TPRG1: variants seen among roughly 807,000 people sequenced by gnomAD.
The protein encoded by TPRG1 is tumor protein p63-regulated gene 1 protein.
A neutral mutation model predicts 29.3 loss-of-function variants in TPRG1; 29 were observed. The observed-to-expected ratio is 0.99, with a 90% CI of 0.74 to 1.35. The LOEUF (loss-of-function observed/expected upper bound fraction) is 1.35, where lower values mean the gene tolerates loss of function less well. Among genes scored for constraint, TPRG1 ranks in the 40% most tolerant of loss-of-function variants. The pLI is 0.00. For synonymous variants in TPRG1, 130 were observed against 116.8 expected, an observed-to-expected ratio of 1.11 and a Z score of -0.73; for missense variants, 327 against 335.0, an observed-to-expected ratio of 0.98 and a Z score of 0.19.
chr3:189,297,410 A>G (rs1720128029), intron 4 of TPRG1, among the ~76,000 whole-genome samples: 1 of 152,022 alleles, frequency 6.6e-6, no homozygotes, highest in South Asian at 2.1e-4. Flanking sequence ...ATCCCTTTCT[A>G]GCTGTGCCCA....
At chr3:189,301,706 C>G (rs1720868648) in intron 4 of TPRG1, among the ~76,000 whole-genome samples, 1 of 152,190 alleles carries the variant, frequency 6.6e-6, no homozygotes, top group African/African-American at 2.4e-5. Flanking sequence ...CACTCTTGGC[C>G]TGGAGACCAA....
At chr3:189,170,875 A>G (rs1728736195), upstream of TPRG1, among the ~76,000 whole-genome samples, 1 of 152,244 alleles carries the variant, frequency 6.6e-6, no homozygotes, top group South Asian at 2.1e-4. Context: ...TTTTAAAAGA[A>G]TGGAATTCAA....
At chr3:189,153,507 C>T (rs1040223514) in intron 5 of TPRG1, among the ~76,000 whole-genome samples, 1 of 151,654 alleles carries the variant, frequency 6.6e-6, no homozygotes, top group South Asian at 2.1e-4. Context: ...GATTTGTGGC[C>T]CCTGCATCAC....
chr3:189,132,536 G>A (rs1487693438), exon 3 of TPRG1: 1 of 152,188 alleles, frequency 6.6e-6, no homozygotes, highest in Non-Finnish European at 1.5e-5. Context: ...TGGCTTTACT[G>A]GATGAGTCAC....
rs1381517736 is a variant in TPRG1 at position 189,215,279 on chromosome 3, C to G, written c.211-13C>G. On this transcript the variant is annotated splice_polypyrimidine_tract_variant and intron_variant, in intron 2 of 5. Coordinates refer to ENST00000345063, the MANE Select transcript of TPRG1 (RefSeq NM_198485.4). ...GTCTGCTCTAAACTAGGTATTTTCT[C>G]CTTTCCACACAGCCGGGGGCCATTG... The G allele has an allele frequency of 6.2e-7, 1 of 1,604,978 alleles. No homozygotes were observed. Among genetic ancestry groups the G allele is most frequent in the Non-Finnish European group, 8.5e-7 (1 of 1,176,912 alleles).
intron 3 of TPRG1, among the ~76,000 whole-genome samples, chr3:189,005,210 G>A (rs1560388691): frequency 1.3e-5 from 2 of 152,118 alleles, no homozygotes; most frequent in Non-Finnish European, 2.9e-5. Flanking sequence ...GTTTACATCT[G>A]TTCTTACTCG....
chr3:189,117,803 G>A (rs1721359469), intron 1 of TPRG1, among the ~76,000 whole-genome samples: 1 of 152,160 alleles, frequency 6.6e-6, no homozygotes, highest in Admixed American at 6.5e-5. Context: ...AGTTTCCTGA[G>A]GCCTCCCCAG....
intron 4 of TPRG1, among the ~76,000 whole-genome samples, chr3:189,070,988 G>A (rs1315695838): frequency 6.6e-6 from 1 of 151,604 alleles, no homozygotes; most frequent in Non-Finnish European, 1.5e-5. Context: ...TTTAAATATG[G>A]TGACTTGATG....
intron 4 of TPRG1, among the ~76,000 whole-genome samples, chr3:189,250,515 C>CG (rs1553931591): frequency 9.4e-6 from 1 of 106,704 alleles, no homozygotes; most frequent in Non-Finnish European, 2.0e-5. Flanking sequence ...CCCCCCCCCC[C>CG]CCACCCAGAT....
chr3:189,175,597 C>T (rs866419047), intron 1 of TPRG1, among the ~76,000 whole-genome samples: 1 of 152,126 alleles, frequency 6.6e-6, no homozygotes, highest in East Asian at 1.9e-4. Flanking sequence ...TGTAGGCACA[C>T]CTTAGCTCTA....
At position 189,235,591 on chromosome 3, in the gene TPRG1, T is replaced by C. The variant is rs560611533; in HGVS notation, c.303-3142T>C. Reference sequence around the variant, plus strand: ...GGACAAGGGCGGAAAAAGACAGTCTTGATTGTTGTTCTGAAGAAGTTTGCT... The same window carrying C: ...GGACAAGGGCGGAAAAAGACAGTCTCGATTGTTGTTCTGAAGAAGTTTGCT... On this transcript the variant is annotated intron_variant, in intron 3 of 5. Coordinates refer to ENST00000345063, the MANE Select transcript of TPRG1 (RefSeq NM_198485.4). Among the ~76,000 whole-genome samples, 5 of 152,200 alleles carry C rather than the reference T, an allele frequency of 3.3e-5. No homozygotes were observed. The South Asian group carries it at 1.0e-3, about 32-fold the overall frequency.
intron 2 of TPRG1, among the ~76,000 whole-genome samples, chr3:189,129,193 G>A (rs762117104): frequency 2.6e-5 from 4 of 152,042 alleles, no homozygotes; most frequent in Non-Finnish European, 5.9e-5. Context: ...TTAGTTGTCA[G>A]GTCTCCTGCC....
intron 4 of TPRG1, among the ~76,000 whole-genome samples, chr3:189,247,989 T>G (rs1200971942): frequency 6.6e-6 from 1 of 151,854 alleles, no homozygotes; most frequent in Non-Finnish European, 1.5e-5. Context: ...TGGGCTATCC[T>G]TGTAAGTTTA....
intron 1 of TPRG1, among the ~76,000 whole-genome samples, chr3:189,179,897 T>C (rs936525549): frequency 6.6e-6 from 1 of 152,194 alleles, no homozygotes; most frequent in African/African-American, 2.4e-5. Flanking sequence ...TATTAGTCCT[T>C]TTTCACACTG....
chr3:189,294,130 G>T (rs552670188), intron 4 of TPRG1, among the ~76,000 whole-genome samples: 2 of 152,294 alleles, frequency 1.3e-5, no homozygotes, highest in South Asian at 4.1e-4. Flanking sequence ...ACATGTGAAT[G>T]TCTCATTAGC....
rs558842227 is a variant in TPRG1 at position 189,114,624 on chromosome 3, G to A, written c.-743-12433G>A. 7.2e-5 allele frequency among the ~76,000 whole-genome samples: 11 copies of A among 152,042 alleles called. No homozygotes were observed. In the East Asian group the frequency reaches 2.1e-3, roughly 29 times the overall value. On this transcript the variant is annotated intron_variant, in intron 1 of 6. Transcript: ENST00000412373. ...AAGAGTCCACTCCTCTCATGCCCCC[G>A]AATTCCTCCCAAATAAGGATTTGCC...
chr3:189,123,768 G>A (rs1326634002), intron 1 of TPRG1: 1 of 152,202 alleles, frequency 6.6e-6, no homozygotes, highest in Non-Finnish European at 1.5e-5. Context: ...GTAGAGAAAT[G>A]CTTTGCTGCG....
chr3:189,157,324 A>T (rs1289469079), intron 5 of TPRG1, among the ~76,000 whole-genome samples: 2 of 152,176 alleles, frequency 1.3e-5, no homozygotes, highest in East Asian at 1.9e-4. Flanking sequence ...TTCTGACCCC[A>T]GACCTGTCAT....
chr3:189,183,665 C>T (rs1366825263), intron 1 of TPRG1, among the ~76,000 whole-genome samples: 1 of 151,892 alleles, frequency 6.6e-6, no homozygotes, highest in Admixed American at 6.6e-5. Flanking sequence ...AGTGATATTC[C>T]TCCCATTTGC....
Sources: gnomAD v4.1 joint callset for allele counts (sites outside exome capture counted in the v4.1 genomes callset) on GRCh38, gnomAD v4.1.1 for gene constraint, MANE v1.5 for transcripts, NCBI Gene and HGNC (gene_info 2026-07-23, HGNC 2026-07-21) for gene names.